Variants in AGPAT4 observed in about 807,000 individuals in gnomAD.
The protein encoded by AGPAT4 is 1-acylglycerol-3-phosphate O-acyltransferase 4, also known as 1-acyl-sn-glycerol-3-phosphate acyltransferase delta.
AGPAT4 carries 15 observed loss-of-function variants against 48.0 expected under a neutral mutation model. The observed-to-expected ratio is 0.31, with a 90% CI of 0.21 to 0.48. The LOEUF (loss-of-function observed/expected upper bound fraction) is 0.48. Among genes scored for constraint, AGPAT4 ranks in the 20% least tolerant of loss-of-function variants. The probability of loss-of-function intolerance (pLI) is 0.99; values close to 1 mark genes in which losing one functional copy is unlikely to be tolerated. For missense variants in AGPAT4, 314 were observed against 482.5 expected, an observed-to-expected ratio of 0.65 and a Z score of 3.27; for synonymous variants, 178 against 198.7, an observed-to-expected ratio of 0.90 and a Z score of 0.88.
At chr6:161,193,151 T>G (rs1273756138) in intron 2 of AGPAT4, among the ~76,000 whole-genome samples, 1 of 152,228 alleles carries the variant, frequency 6.6e-6, no homozygotes, top group Non-Finnish European at 1.5e-5. Flanking sequence ...TGGAAGGACA[T>G]ACTTAATCTC....
rs990946395 is a variant in AGPAT4 at position 161,146,273 on chromosome 6, G to A, written c.843+251C>T. ...CCAGAGGCAGGAAAATACGAGCAGG[G>A]GCGATTGGGGCCATTACTTCTCCCT... On this transcript the variant is annotated intron_variant, in intron 7 of 8. Transcript: ENST00000320285. The surrounding 1 kb of genome is among the most constrained non-coding windows in gnomAD (Gnocchi z 7.1). Among the ~76,000 whole-genome samples the A allele has an allele frequency of 2.0e-5, 3 of 151,348 alleles. No homozygotes were observed. Among genetic ancestry groups the A allele is most frequent in the Non-Finnish European group, 4.4e-5 (3 of 68,026 alleles).
rs1443353871 is a variant in AGPAT4 at position 161,139,323 on chromosome 6, G to A, written c.1042+99C>T. The A allele has an allele frequency of 5.3e-6, 7 of 1,325,994 alleles. No homozygotes were observed. Among genetic ancestry groups the A allele is most frequent in the Admixed American group, 2.0e-5 (1 of 49,110 alleles). The allele number at this position is 1,325,994 out of a possible 1,614,324, so 82.1% of individuals were successfully genotyped here. ...CAAGCTGAGCCTGCTCCTCATCCAC[G>A]GCACAACTGCCTATACAGATGGCCT... On this transcript the variant is annotated intron_variant, in intron 8 of 8. Coordinates refer to ENST00000320285, the MANE Select transcript of AGPAT4 (RefSeq NM_020133.3). This position sits in a 1 kb window ranked among gnomAD's most constrained non-coding sequence, Gnocchi z 9.1.
In AGPAT4 at chr6:161,242,345, C is replaced by T. The variant is rs529422398; in HGVS notation, c.-89-10043G>A. Among the ~76,000 whole-genome samples, 51 of 152,288 alleles carry T rather than the reference C, an allele frequency of 3.3e-4. No individual in the cohort carries two copies. The South Asian group carries it at 9.7e-3, about 29-fold the overall frequency. Reference sequence around the variant, plus strand: ...ATAGACTTCATGAACTTCAGCCTTCCGGGACGCCTGGGATTTCAGTCCATG... The same window carrying T: ...ATAGACTTCATGAACTTCAGCCTTCTGGGACGCCTGGGATTTCAGTCCATG... On this transcript the variant is annotated intron_variant, in intron 1 of 8. Coordinates refer to ENST00000320285, the MANE Select transcript of AGPAT4 (RefSeq NM_020133.3). The surrounding 1 kb of genome is among the most constrained non-coding windows in gnomAD (Gnocchi z 5.0).
chr6:161,177,627 T>G lies in AGPAT4; in HGVS notation c.179-11210A>C, dbSNP rs149059876. 2.8e-3 allele frequency among the ~76,000 whole-genome samples: 433 copies of G among 152,360 alleles called. 5 individuals carry two copies. The highest frequency in any genetic ancestry group is 8.7e-3 in the African/African-American group (363 of 41,584). ...GCTCGGAGAAGTTTGTTATTACTGATCGTCTGAAGCCTTCTTTTCTCAACA... is the reference window on the plus strand; with the variant it reads ...GCTCGGAGAAGTTTGTTATTACTGAGCGTCTGAAGCCTTCTTTTCTCAACA... On this transcript the variant is annotated intron_variant, in intron 2 of 8. Coordinates refer to ENST00000320285, the MANE Select transcript of AGPAT4 (RefSeq NM_020133.3). This position sits in a 1 kb window ranked among gnomAD's most constrained non-coding sequence, Gnocchi z 5.0.
At chr6:161,250,580 CT>C (rs1016445244) in intron 1 of AGPAT4, among the ~76,000 whole-genome samples, 3 of 150,922 alleles carry the variant, frequency 2.0e-5, no homozygotes, top group East Asian at 1.9e-4. Flanking sequence ...GGGCACAAAC[CT>C]TTTTTTTTCC....
intron 1 of AGPAT4, among the ~76,000 whole-genome samples, chr6:161,265,700 G>A (rs1285459504): frequency 6.6e-6 from 1 of 152,124 alleles, no homozygotes; most frequent in Non-Finnish European, 1.5e-5. Context: ...GCTGGTGGGT[G>A]GGGAGGGGAA....
In AGPAT4 at chr6:161,244,555, C is replaced by T. The variant is rs899098128; in HGVS notation, c.-89-12253G>A. ...TTTCAGTATTTCAGCACTCTACAAC[C>T]TTTAAGCTGGCTCCATTATGGCTAA... On this transcript the variant is annotated intron_variant, in intron 1 of 8. Transcript: ENST00000320285. This position sits in a 1 kb window ranked among gnomAD's most constrained non-coding sequence, Gnocchi z 4.7. Among the ~76,000 whole-genome samples, 6 of 152,164 alleles carry T rather than the reference C, an allele frequency of 3.9e-5. No individual in the cohort carries two copies. Among genetic ancestry groups the T allele is most frequent in the Non-Finnish European group, 4.4e-5 (3 of 68,036 alleles).
At position 161,231,067 on chromosome 6, in the gene AGPAT4, G is replaced by A. The variant is rs1782110883; in HGVS notation, c.178+969C>T. ...AATTCAAATTTGATCATTTTAAAGG[G>A]TATCAAAAATATATCAATAATTTTA... On this transcript the variant is annotated intron_variant, in intron 2 of 8. Transcript: ENST00000320285. This position sits in a 1 kb window ranked among gnomAD's most constrained non-coding sequence, Gnocchi z 5.3. 7.0e-6 allele frequency among the ~76,000 whole-genome samples: 1 copy of A among 141,860 alleles called. No homozygotes were observed. Among genetic ancestry groups the A allele is most frequent in the Admixed American group, 6.9e-5 (1 of 14,518 alleles). The allele number at this position is 141,860 out of a possible 152,430, so 93.1% of individuals were successfully genotyped here. A position where few individuals can be genotyped will look rare whatever the true frequency, so the allele number is the denominator to read the frequency against.
rs181141538 is a variant in AGPAT4, at chr6:161,242,777, T to C, written c.-89-10475A>G. On this transcript the variant is annotated intron_variant, in intron 1 of 8. Transcript: ENST00000320285. The surrounding 1 kb of genome is among the most constrained non-coding windows in gnomAD (Gnocchi z 5.0). ...GTCCACAACATTATATTCTGGTTAA[T>C]AAGGAAACCTAGGCCGGGCGCAGCG... Among the ~76,000 whole-genome samples the C allele has an allele frequency of 6.2e-4, 94 of 152,240 alleles. No homozygotes were observed. The highest frequency in any genetic ancestry group is 2.1e-3 in the African/African-American group (86 of 41,544).
In AGPAT4 at chr6:161,251,826, G is replaced by C. The variant is rs1782812634; in HGVS notation, c.-89-19524C>G. ...GGCAGTTTCTGCAGGAGGAACAAAA[G>C]CAGAGAGGGGGAGCAGCCATTTAGA... On this transcript the variant is annotated intron_variant, in intron 1 of 8. Coordinates refer to ENST00000320285, the MANE Select transcript of AGPAT4 (RefSeq NM_020133.3). The surrounding 1 kb of genome is among the most constrained non-coding windows in gnomAD (Gnocchi z 4.6). 6.6e-6 allele frequency among the ~76,000 whole-genome samples: 1 copy of C among 152,198 alleles called. No homozygotes were observed. The highest frequency in any genetic ancestry group is 2.4e-5 in the African/African-American group (1 of 41,452).
chr6:161,234,210 G>A lies in AGPAT4; in HGVS notation c.-89-1908C>T, dbSNP rs1019532559. Reference sequence around the variant, plus strand: ...GGTTTCGGGCATATGGAGAGTCACAGGGAGGCATGTTTGCACTTACTGGGA... The same window carrying A: ...GGTTTCGGGCATATGGAGAGTCACAAGGAGGCATGTTTGCACTTACTGGGA... On this transcript the variant is annotated intron_variant, in intron 1 of 8. Coordinates refer to ENST00000320285, the MANE Select transcript of AGPAT4 (RefSeq NM_020133.3). The surrounding 1 kb of genome is among the most constrained non-coding windows in gnomAD (Gnocchi z 4.4). 6.6e-6 allele frequency among the ~76,000 whole-genome samples: 1 copy of A among 152,192 alleles called. No individual in the cohort carries two copies. Among genetic ancestry groups the A allele is most frequent in the East Asian group, 1.9e-4 (1 of 5,188 alleles).
At chr6:161,175,956 T>C (rs576107904) in intron 2 of AGPAT4, among the ~76,000 whole-genome samples, 1 of 152,170 alleles carries the variant, frequency 6.6e-6, no homozygotes, top group East Asian at 1.9e-4. Context: ...TTTGAGTGAG[T>C]TTCTTAATCC....
In AGPAT4 at chr6:161,201,695, T is replaced by C. The variant is rs1781244143; in HGVS notation, c.178+30341A>G. ...CCCACTTGTAGCAATTCCAGGGTGA[T>C]GCTGAGGCTGACTTCAAAAGATAGG... On this transcript the variant is annotated intron_variant, in intron 2 of 8. Coordinates refer to ENST00000320285, the MANE Select transcript of AGPAT4 (RefSeq NM_020133.3). The surrounding 1 kb of genome is among the most constrained non-coding windows in gnomAD (Gnocchi z 6.0). Among the ~76,000 whole-genome samples, 1 of 152,222 alleles carries C rather than the reference T, an allele frequency of 6.6e-6. No individual in the cohort carries two copies. The highest frequency in any genetic ancestry group is 1.5e-5 in the Non-Finnish European group (1 of 68,044).
At position 161,143,025 on chromosome 6, in the gene AGPAT4, C is replaced by G. The variant is rs1779303948; in HGVS notation, c.844-3405G>C. 6.6e-6 allele frequency among the ~76,000 whole-genome samples: 1 copy of G among 152,222 alleles called. No homozygotes were observed. Among genetic ancestry groups the G allele is most frequent in the African/African-American group, 2.4e-5 (1 of 41,448 alleles). ...CCTGAACTCTGCACCCCACCCAGAG[C>G]TGCTCCCGACCTTGGCCTCCACAGG... is the stretch of plus-strand genomic sequence containing the variant. On this transcript the variant is annotated intron_variant, in intron 7 of 8. Coordinates refer to ENST00000320285, the MANE Select transcript of AGPAT4 (RefSeq NM_020133.3). The surrounding 1 kb of genome is among the most constrained non-coding windows in gnomAD (Gnocchi z 4.7).
rs11433098 is a variant in AGPAT4 at position 161,246,414 on chromosome 6, CTT to C, written c.-89-14114_-89-14113del. On this transcript the variant is annotated intron_variant, in intron 1 of 8. Transcript: ENST00000320285. The surrounding 1 kb of genome is among the most constrained non-coding windows in gnomAD (Gnocchi z 5.5). The stretch of plus-strand genomic sequence containing the variant: ...CTTCTGAGCATAGGCACAGGGGATT[CTT>C]TTTTTTTTTTGAGACAGAGTTTCAC... Among the ~76,000 whole-genome samples, 1 of 146,074 alleles carries C rather than the reference CTT, an allele frequency of 6.8e-6. No individual in the cohort carries two copies.
Position 161,254,804 on chromosome 6 carries a change from A to T in AGPAT4, c.-90+19134T>A, listed in dbSNP as rs1782902325. Among the ~76,000 whole-genome samples, 1 of 152,200 alleles carries T rather than the reference A, an allele frequency of 6.6e-6. No homozygotes were observed. Among genetic ancestry groups the T allele is most frequent in the African/African-American group, 2.4e-5 (1 of 41,452 alleles). On this transcript the variant is annotated intron_variant, in intron 1 of 8. Coordinates refer to ENST00000320285, the MANE Select transcript of AGPAT4 (RefSeq NM_020133.3). The surrounding 1 kb of genome is among the most constrained non-coding windows in gnomAD (Gnocchi z 5.9). ...TACCGACTCAATTTAGAGAACAAAC[A>T]TGGATTCAATACTAAAAGCCAGTGT...
chr6:161,224,375 G>A (rs1781912650), intron 2 of AGPAT4, among the ~76,000 whole-genome samples: 1 of 152,100 alleles, frequency 6.6e-6, no homozygotes, highest in African/African-American at 2.4e-5. Context: ...CAGATGTGGT[G>A]GCTCACTCCT....
chr6:161,153,527 G>GC (rs1289087442), intron 4 of AGPAT4, 28 bp from the exon 5 acceptor site: 3 of 1,609,694 alleles, frequency 1.9e-6, no homozygotes, highest in Admixed American at 3.3e-5. Flanking sequence ...GGAGTCGCAC[G>GC]CAGCCTCGGG....
chr6:161,178,356 G>A lies in AGPAT4; in HGVS notation c.179-11939C>T, dbSNP rs1389632068. ...TGGCGGATGCCCCTCCCCGAACCTC[G>A]CTGCCGCCTTGCAGTTCGATCAGAC... On this transcript the variant is annotated intron_variant, in intron 2 of 8. Transcript: ENST00000320285. This position sits in a 1 kb window ranked among gnomAD's most constrained non-coding sequence, Gnocchi z 5.1. Among the ~76,000 whole-genome samples the A allele has an allele frequency of 2.0e-5, 3 of 152,198 alleles. No homozygotes were observed. Among genetic ancestry groups the A allele is most frequent in the African/African-American group, 4.8e-5 (2 of 41,444 alleles).
Sources: gnomAD v4.1 joint callset for allele counts (sites outside exome capture counted in the v4.1 genomes callset) on GRCh38, gnomAD v4.1.1 for gene constraint, Gnocchi (gnomAD v3.1) non-coding constraint, MANE v1.5 for transcripts, NCBI Gene and HGNC (gene_info 2026-07-23, HGNC 2026-07-21) for gene names.